Variants in KALRN observed in about 807,000 individuals in gnomAD.
The protein encoded by KALRN is kalirin.
In KALRN, 70 loss-of-function variants were observed where a neutral mutation model predicts 353.7. The ratio of observed to expected loss-of-function variants is 0.20; its 90% CI spans 0.16 to 0.24. The LOEUF (loss-of-function observed/expected upper bound fraction) is 0.24, where lower values mean the gene tolerates loss of function less well. Ranked by LOEUF, KALRN falls within the 10% of genes least tolerant of loss-of-function variation. The pLI, the probability that KALRN is intolerant of heterozygous loss-of-function variation, is 1.00. For missense variants in KALRN, 2,791 were observed against 3,756.7 expected (o/e 0.74, Z 6.72); for synonymous variants, 1,391 against 1,434.8 (o/e 0.97, Z 0.69).
intron 12 of KALRN, among the ~76,000 whole-genome samples, chr3:124,396,880 T>C (rs765292830): frequency 2.0e-5 from 3 of 152,202 alleles, no homozygotes; most frequent in Non-Finnish European, 2.9e-5. Flanking sequence ...GTAACCTGAC[T>C]CTAGCCTAGG....
intron 21 of KALRN, among the ~76,000 whole-genome samples, chr3:124,451,968 A>T (rs548737789): frequency 6.6e-6 from 1 of 152,224 alleles, no homozygotes; most frequent in Admixed American, 6.5e-5. Flanking sequence ...CCTCAGGGAA[A>T]CAACCCCAAT....
intron 34 of KALRN, among the ~76,000 whole-genome samples, chr3:124,626,048 A>T (rs1407335943): frequency 2.0e-5 from 3 of 152,124 alleles, no homozygotes; most frequent in Non-Finnish European, 4.4e-5. Context: ...GCCATTGCAC[A>T]CCAGCTTAGG....
chr3:124,616,828 G>A (rs1488283179), intron 34 of KALRN, among the ~76,000 whole-genome samples: 1 of 152,018 alleles, frequency 6.6e-6, no homozygotes, highest in Non-Finnish European at 1.5e-5. Flanking sequence ...AGCCGGACAT[G>A]GTGGCCGGCG....
intron 33 of KALRN, among the ~76,000 whole-genome samples, chr3:124,511,942 A>G (rs1164141882): frequency 6.6e-6 from 1 of 152,184 alleles, no homozygotes; most frequent in African/African-American, 2.4e-5. Flanking sequence ...TTAGTTTTTA[A>G]TCTCAACCAC....
intron 3 of KALRN, among the ~76,000 whole-genome samples, chr3:124,257,210 G>A (rs944728833): frequency 2.0e-5 from 3 of 152,170 alleles, no homozygotes; most frequent in African/African-American, 4.8e-5. Flanking sequence ...AATGCATATT[G>A]TAATATCTGA....
At chr3:124,309,119 C>CTATA (rs780937726) in intron 6 of KALRN, among the ~76,000 whole-genome samples, 78 of 152,034 alleles carry the variant, frequency 5.1e-4, no homozygotes, top group Non-Finnish European at 1.0e-3. Context: ...TCTGAATAGA[C>CTATA]CAATAGCAAG....
intron 25 of KALRN, among the ~76,000 whole-genome samples, chr3:124,468,767 A>G (rs2060598313): frequency 6.6e-6 from 1 of 152,242 alleles, no homozygotes; most frequent in South Asian, 2.1e-4. Flanking sequence ...TTAAGGAAAG[A>G]GGAAGGGGAA....
chr3:124,152,585 CTTTCTTTCTT>C (rs1430564261), intron 1 of KALRN: 365 of 579,896 alleles, frequency 6.3e-4, no homozygotes, highest in African/African-American at 4.3e-3. Context: ...TTCTTTCTTT[CTTTCTTTCTT>C]TTTTTTTTTT....
At chr3:124,314,949 C>T (rs553262667) in intron 6 of KALRN, among the ~76,000 whole-genome samples, 1 of 152,282 alleles carries the variant, frequency 6.6e-6, no homozygotes, top group African/African-American at 2.4e-5. Context: ...CCATGCCCAG[C>T]CCAGGTTCTT....
intron 1 of KALRN, among the ~76,000 whole-genome samples, chr3:124,120,343 C>T (rs1360536620): frequency 6.6e-6 from 1 of 152,154 alleles, no homozygotes; most frequent in Non-Finnish European, 1.5e-5. Context: ...TTCTGGTTTT[C>T]TTCTTGCAAT....
At chr3:124,102,718 TC>T (rs2149441349) in intron 1 of KALRN, among the ~76,000 whole-genome samples, 1 of 152,330 alleles carries the variant, frequency 6.6e-6, no homozygotes, top group South Asian at 2.1e-4. Context: ...CAAGCCCTTG[TC>T]CCCACTATCC....
intron 37 of KALRN, among the ~76,000 whole-genome samples, chr3:124,645,678 G>T (rs1037787116): frequency 6.6e-6 from 1 of 151,464 alleles, no homozygotes; most frequent in African/African-American, 2.4e-5. Context: ...GTGTGTGTGT[G>T]TATCACAGTT....
intron 1 of KALRN, among the ~76,000 whole-genome samples, chr3:124,045,112 A>G (rs2040361390): frequency 6.6e-6 from 1 of 152,100 alleles, no homozygotes; most frequent in Non-Finnish European, 1.5e-5. Context: ...TTGAGTTGGC[A>G]GCTGGACAGT....
intron 1 of KALRN, among the ~76,000 whole-genome samples, chr3:124,085,626 A>G (rs2060773748): frequency 6.6e-6 from 1 of 152,218 alleles, no homozygotes; most frequent in Non-Finnish European, 1.5e-5. Flanking sequence ...AGTAGGGGGT[A>G]GAGAAGGAAA....
chr3:124,430,211 A>G (rs2093208546), intron 15 of KALRN, among the ~76,000 whole-genome samples: 1 of 152,226 alleles, frequency 6.6e-6, no homozygotes. Flanking sequence ...CTAGATGAAG[A>G]AGAGATTGTT....
intron 36 of KALRN, among the ~76,000 whole-genome samples, chr3:124,635,701 C>G (rs2081281543): frequency 6.6e-6 from 1 of 152,064 alleles, no homozygotes. Context: ...TCCTTCTAAT[C>G]TTTTTCTTAT....
At chr3:124,187,368 C>T (rs1048781931) in intron 1 of KALRN, among the ~76,000 whole-genome samples, 2 of 152,178 alleles carry the variant, frequency 1.3e-5, no homozygotes, top group Non-Finnish European at 2.9e-5. Flanking sequence ...AGGTGTGAGC[C>T]ACCATATCTG....
chr3:124,319,085 C>T (rs1314301430), intron 6 of KALRN, among the ~76,000 whole-genome samples: 2 of 151,782 alleles, frequency 1.3e-5, no homozygotes, highest in Non-Finnish European at 2.9e-5. Context: ...ATATTTTTTG[C>T]TGAAGTCAAA....
At chr3:124,145,248 T>G (rs1288157476) in intron 1 of KALRN, among the ~76,000 whole-genome samples, 1 of 152,166 alleles carries the variant, frequency 6.6e-6, no homozygotes, top group African/African-American at 2.4e-5. Context: ...ATTCATCTAC[T>G]CAACAAACAT....
Sources: gnomAD v4.1 joint callset for allele counts (sites outside exome capture counted in the v4.1 genomes callset) on GRCh38, gnomAD v4.1.1 for gene constraint, MANE v1.5 for transcripts, NCBI Gene and HGNC (gene_info 2026-07-23, HGNC 2026-07-21) for gene names.